Variants in MEF2C observed in about 807,000 individuals in gnomAD.
MEF2C encodes myocyte enhancer factor 2C, also known as myocyte-specific enhancer factor 2C.
A neutral mutation model predicts 50.5 loss-of-function variants in MEF2C; 6 were observed. That is an observed-to-expected ratio of 0.12 (90% CI 0.07 to 0.23). The LOEUF (loss-of-function observed/expected upper bound fraction) is 0.23. MEF2C is among the 10% of genes least tolerant of loss of function. The pLI, the probability that MEF2C is intolerant of heterozygous loss-of-function variation, is 1.00. For synonymous variants in MEF2C, 183 were observed against 228.0 expected, an observed-to-expected ratio of 0.80 and a Z score of 1.78; for missense variants, 276 against 605.0, an observed-to-expected ratio of 0.46 and a Z score of 5.70.
chr5:88,857,940 G>A (rs572254519), intron 1 of MEF2C, among the ~76,000 whole-genome samples: 2 of 152,250 alleles, frequency 1.3e-5, no homozygotes, highest in East Asian at 1.9e-4. Flanking sequence ...AAGTCTAGAG[G>A]ACGCAGAGAA....
intron 10 of MEF2C, among the ~76,000 whole-genome samples, chr5:88,726,384 T>TGTA (rs1435252527): frequency 6.6e-6 from 1 of 152,198 alleles, no homozygotes; most frequent in Non-Finnish European, 1.5e-5. Context: ...TTACTTTACA[T>TGTA]AAGTATTGCA....
rs192152465 is a variant in MEF2C at position 88,798,431 on chromosome 5, G to A, written c.258+6167C>T. Among the ~76,000 whole-genome samples, 322 of 151,652 alleles carry A rather than the reference G, an allele frequency of 2.1e-3. 1 individual carries two copies. Among genetic ancestry groups the A allele is most frequent in the African/African-American group, 7.5e-3 (312 of 41,338 alleles). On this transcript the variant is annotated intron_variant, in intron 3 of 10. Coordinates refer to ENST00000504921, the MANE Select transcript of MEF2C (RefSeq NM_002397.5). ...ATCCTTTCTTCCGCTTGATCGATTTGGGTATTGATACTCGTGTATGCTTAA... is the reference window on the plus strand; with the variant it reads ...ATCCTTTCTTCCGCTTGATCGATTTAGGTATTGATACTCGTGTATGCTTAA...
At chr5:88,773,010 A>G (rs1783073769) in intron 3 of MEF2C, 1 of 709,442 alleles carries the variant, frequency 1.4e-6, no homozygotes, top group Non-Finnish European at 1.7e-6. Context: ...AAAGTGAAGT[A>G]TCAGGAGTGC....
intron 1 of MEF2C, among the ~76,000 whole-genome samples, chr5:88,833,830 T>C (rs1468195065): frequency 6.6e-6 from 1 of 151,966 alleles, no homozygotes; most frequent in Non-Finnish European, 1.5e-5. Flanking sequence ...AAGTTTGGGG[T>C]TATGGCAAGG....
At chr5:88,766,562 C>G (rs1306185892) in intron 3 of MEF2C, 4 of 880,416 alleles carry the variant, frequency 4.5e-6, no homozygotes, top group Non-Finnish European at 4.1e-6. Flanking sequence ...AGACTAAAAG[C>G]TTTCAACCAC....
At chr5:88,761,680 A>G (rs540980263) in intron 3 of MEF2C, 1 of 193,482 alleles carries the variant, frequency 5.2e-6, no homozygotes, top group South Asian at 1.2e-4. Context: ...TCCCACAGAA[A>G]AATCAGAAAT....
At chr5:88,749,402 T>C (rs1223163097) in intron 5 of MEF2C, 1 of 985,200 alleles carries the variant, frequency 1.0e-6, no homozygotes, top group Non-Finnish European at 1.2e-6. Context: ...AAGTCTAGGT[T>C]TTCCCTAAGC....
intron 1 of MEF2C, among the ~76,000 whole-genome samples, chr5:88,852,822 G>A (rs930643679): frequency 1.3e-5 from 2 of 152,182 alleles, no homozygotes; most frequent in African/African-American, 2.4e-5. Flanking sequence ...GGCTGAGGCA[G>A]GAGAATCACT....
chr5:88,731,833 T>C lies in MEF2C; in HGVS notation c.706A>G (p.Met236Val). The C allele has an allele frequency of 6.2e-7, 1 of 1,613,398 alleles. No homozygotes were observed. Among genetic ancestry groups the C allele is most frequent in the Non-Finnish European group, 8.5e-7 (1 of 1,179,524 alleles). Reference protein sequence around the residue: ...LVSPGNLNKNMQAKSPPPMNL... With the variant: ...LVSPGNLNKNVQAKSPPPMNL... Reference sequence around the variant, plus strand: ...ATTGGGGGAGGAGATTTTGCTTGCATATTCTTGTTCAAGTTACCAGGTGAG... The same window carrying C: ...ATTGGGGGAGGAGATTTTGCTTGCACATTCTTGTTCAAGTTACCAGGTGAG... Residue 236 changes from methionine to valine, a missense_variant, in exon 7 of 11, where the codon ATG (methionine) becomes GTG (valine). Physicochemically the swap from Met to Val is conservative, Grantham distance 21. This residue lies in a region of MEF2C where 256 missense variants were observed against 468.1 expected (regional missense o/e 0.55). Coordinates refer to ENST00000504921, the MANE Select transcript of MEF2C (RefSeq NM_002397.5).
At chr5:88,775,106 A>C (rs1317478167) in intron 3 of MEF2C, among the ~76,000 whole-genome samples, 1 of 152,210 alleles carries the variant, frequency 6.6e-6, no homozygotes, top group East Asian at 1.9e-4. Context: ...CTTACCTAAC[A>C]ATATAATTAT....
intron 2 of MEF2C, among the ~76,000 whole-genome samples, chr5:88,808,219 G>A (rs1015441915): frequency 2.0e-4 from 31 of 152,108 alleles, no homozygotes; most frequent in African/African-American, 7.5e-4. Context: ...CCTGCATATT[G>A]GCATTTTACT....
At position 88,781,526 on chromosome 5, in the gene MEF2C, A is replaced by C. The variant is rs551688195; in HGVS notation, c.259-20198T>G. 1.4e-3 allele frequency among the ~76,000 whole-genome samples: 210 copies of C among 152,362 alleles called. 1 individual carries two copies. The highest frequency in any genetic ancestry group is 2.4e-3 in the Non-Finnish European group (166 of 68,040). On this transcript the variant is annotated intron_variant, in intron 3 of 10. Coordinates refer to ENST00000504921, the MANE Select transcript of MEF2C (RefSeq NM_002397.5). Reference sequence around the variant, plus strand: ...CAGAAACCAGGTTTGTCTGACGCTAAAATGTGTGTCTGTCCCTCCTCCAGC... The same window carrying C: ...CAGAAACCAGGTTTGTCTGACGCTACAATGTGTGTCTGTCCCTCCTCCAGC...
chr5:88,826,060 CAGAG>C (rs1810724087), intron 1 of MEF2C, among the ~76,000 whole-genome samples: 8 of 151,890 alleles, frequency 5.3e-5, no homozygotes, highest in Admixed American at 4.6e-4. Flanking sequence ...CTCAGAAAGA[CAGAG>C]AGAGTTCCTG....
At position 88,730,934 on chromosome 5, in the gene MEF2C, G is replaced by A. The variant is rs1265820535; in HGVS notation, c.811-700C>T. Among the ~76,000 whole-genome samples, 10 of 152,314 alleles carry A rather than the reference G, an allele frequency of 6.6e-5. No individual in the cohort carries two copies. In the East Asian group the frequency reaches 1.9e-3, roughly 29 times the overall value. On this transcript the variant is annotated intron_variant, in intron 7 of 10. Transcript: ENST00000504921. Reference sequence around the variant, plus strand: ...TTAAACGTTCTTGCTCTTAAGCAAAGCTAATTTGTAGAACACTGATGTAAG... The same window carrying A: ...TTAAACGTTCTTGCTCTTAAGCAAAACTAATTTGTAGAACACTGATGTAAG...
chr5:88,809,529 C>T (rs1801913535), intron 2 of MEF2C, among the ~76,000 whole-genome samples: 1 of 152,006 alleles, frequency 6.6e-6, no homozygotes, highest in South Asian at 2.1e-4. Flanking sequence ...CATTTAATTC[C>T]ATAACGTTTA....
chr5:88,797,411 G>A (rs1165049922), intron 3 of MEF2C, among the ~76,000 whole-genome samples: 1 of 130,736 alleles, frequency 7.6e-6, no homozygotes, highest in Non-Finnish European at 1.6e-5. Flanking sequence ...TATCTTTGTT[G>A]GTTTAAAGTC....
At chr5:88,793,877 G>A (rs910972070) in intron 3 of MEF2C, among the ~76,000 whole-genome samples, 1 of 151,050 alleles carries the variant, frequency 6.6e-6, no homozygotes, top group African/African-American at 2.4e-5. Context: ...TCCCACTTAT[G>A]AGTGAGCACA....
chr5:88,817,624 T>C (rs1402043511), intron 2 of MEF2C, among the ~76,000 whole-genome samples: 7 of 151,972 alleles, frequency 4.6e-5, no homozygotes, highest in African/African-American at 1.7e-4. Flanking sequence ...CACTGATAAT[T>C]ACATGAAGTT....
Position 88,823,632 on chromosome 5 carries a change from C to T in MEF2C, c.54+103G>A, listed in dbSNP as rs1809519313. On this transcript the variant is annotated intron_variant, in intron 2 of 10. Coordinates refer to ENST00000504921, the MANE Select transcript of MEF2C (RefSeq NM_002397.5). ...TCACATTTAATTAACCCAAACTTCTCTTAATAGATATTTACAGATTCAAGA... is the reference window on the plus strand; with the variant it reads ...TCACATTTAATTAACCCAAACTTCTTTTAATAGATATTTACAGATTCAAGA... 6 of 1,114,264 alleles carry T rather than the reference C, an allele frequency of 5.4e-6. No homozygotes were observed. In the East Asian group the frequency reaches 1.2e-4, roughly 23 times the overall value. 69.0% of individuals were successfully genotyped at this position (1,114,264 alleles called of 1,614,324 possible).
Sources: allele counts gnomAD v4.1 joint callset (sites outside exome capture counted in the v4.1 genomes callset), GRCh38; gene constraint gnomAD v4.1.1; regional missense constraint gnomAD v4.1.1; transcripts MANE v1.5; gene names NCBI Gene and HGNC (gene_info 2026-07-23, HGNC 2026-07-21).